The following CDH18 variants were observed in gnomAD, a reference collection of about 807,000 sequenced individuals.
CDH18 encodes the protein cadherin 18, also known as cadherin-18.
In CDH18, 31 loss-of-function variants were observed where a neutral mutation model predicts 67.9. The ratio of observed to expected loss-of-function variants is 0.46; its 90% CI spans 0.34 to 0.62. The LOEUF is 0.62. CDH18 is among the 20% of genes least tolerant of loss of function. The pLI, the probability that CDH18 is intolerant of heterozygous loss-of-function variation, is 0.01. For missense variants in CDH18, 890 were observed against 975.5 expected (o/e 0.91, Z 1.17); for synonymous variants, 362 against 347.2 (o/e 1.04, Z -0.48).
rs73053660 is a variant in CDH18 at position 19,591,437 on chromosome 5, G to A, written c.812-193C>T. Among the ~76,000 whole-genome samples, 1,340 of 152,028 alleles carry A rather than the reference G, an allele frequency of 8.8e-3. 21 individuals carry two copies. Among genetic ancestry groups the A allele is most frequent in the African/African-American group, 0.031 (1,285 of 41,476 alleles). ...GATTTATATAAACTTTAAAAGGTAC[G>A]TAAAATACTTTGCATGAAAATAATT... On this transcript the variant is annotated intron_variant, in intron 6 of 12. Coordinates refer to ENST00000382275, the MANE Select transcript of CDH18 (RefSeq NM_004934.5).
chr5:19,829,053 A>C (rs1262016329), intron 3 of CDH18, among the ~76,000 whole-genome samples: 1 of 152,076 alleles, frequency 6.6e-6, no homozygotes, highest in Non-Finnish European at 1.5e-5. Context: ...TAAATTAATT[A>C]ATTAATAAGT....
At chr5:20,502,370 T>G (rs2126448000) in intron 1 of CDH18, among the ~76,000 whole-genome samples, 1 of 152,240 alleles carries the variant, frequency 6.6e-6, no homozygotes, top group Middle Eastern at 3.4e-3. Context: ...AACCAAAAAC[T>G]GCCTCAAGGA....
At chr5:20,053,604 GTCCT>G (rs1741639868) in intron 2 of CDH18, among the ~76,000 whole-genome samples, 1 of 151,934 alleles carries the variant, frequency 6.6e-6, no homozygotes, top group Admixed American at 6.6e-5. Context: ...AATCTTATCA[GTCCT>G]TCCTTCAAAA....
intron 3 of CDH18, among the ~76,000 whole-genome samples, chr5:19,804,527 T>A (rs1184594002): frequency 5.3e-5 from 8 of 152,258 alleles, no homozygotes; most frequent in South Asian, 4.1e-4. Flanking sequence ...ATTATTTGTA[T>A]CTCTGATTCT....
In CDH18 at chr5:20,333,703, A is replaced by G. The variant is rs563298454; in HGVS notation, c.-579-78198T>C. ...TAAATATTTTAAGAATTTAACCGGC[A>G]TCGATTGTGCTATTTGCTACAGTGT... On this transcript the variant is annotated intron_variant, in intron 1 of 14. Coordinates refer to the CDH18 transcript ENST00000507958. Among the ~76,000 whole-genome samples the G allele has an allele frequency of 9.9e-4, 150 of 152,092 alleles. 1 individual carries two copies. Among genetic ancestry groups the G allele is most frequent in the Non-Finnish European group, 1.6e-3 (109 of 68,034 alleles).
chr5:19,861,902 G>A (rs1410535213), intron 2 of CDH18, among the ~76,000 whole-genome samples: 1 of 152,152 alleles, frequency 6.6e-6, no homozygotes, highest in Non-Finnish European at 1.5e-5. Context: ...TGATGAGTGA[G>A]TAGAAATCCC....
At chr5:20,142,269 A>G (rs535057655) in intron 2 of CDH18, among the ~76,000 whole-genome samples, 2 of 152,266 alleles carry the variant, frequency 1.3e-5, no homozygotes, top group South Asian at 4.1e-4. Context: ...CATGGATATA[A>G]ACAAATTGTA....
chr5:20,141,457 A>G (rs1033031953), intron 2 of CDH18, among the ~76,000 whole-genome samples: 1 of 152,190 alleles, frequency 6.6e-6, no homozygotes, highest in Non-Finnish European at 1.5e-5. Context: ...GTGATGGCAT[A>G]AAAGTTATGA....
chr5:19,592,894 C>T (rs78182016), intron 6 of CDH18, among the ~76,000 whole-genome samples: 1,766 of 151,988 alleles, frequency 0.012, 31 homozygotes, highest in African/African-American at 0.041. Flanking sequence ...ATTTTAGATA[C>T]CTCATCTGCT....
rs531406447 is a variant in CDH18, at chr5:19,753,063, A to G, written c.229-5827T>C. On this transcript the variant is annotated intron_variant, in intron 3 of 12. Coordinates refer to ENST00000382275, the MANE Select transcript of CDH18 (RefSeq NM_004934.5). ...AGCCCTAGACCTTCCCTCTGACATA[A>G]CCTACCCAAATGAGAAGGAACCAGA... 2.0e-5 allele frequency among the ~76,000 whole-genome samples: 3 copies of G among 152,114 alleles called. No individual in the cohort carries two copies. The South Asian group carries it at 6.2e-4, about 31-fold the overall frequency.
intron 1 of CDH18, among the ~76,000 whole-genome samples, chr5:20,322,336 AAAATT>A (rs1056475198): frequency 5.9e-5 from 9 of 152,140 alleles, no homozygotes; most frequent in African/African-American, 2.2e-4. Context: ...AATGATAACT[AAAATT>A]AAAGTTGCTC....
intron 1 of CDH18, among the ~76,000 whole-genome samples, chr5:20,352,910 A>C (rs1327535377): frequency 6.6e-6 from 1 of 152,214 alleles, no homozygotes; most frequent in South Asian, 2.1e-4. Flanking sequence ...ATCTTATAAT[A>C]AGCTAGAATT....
intron 1 of CDH18, among the ~76,000 whole-genome samples, chr5:20,329,768 CAAAAAAAAAAAA>C (rs60246535): frequency 1.4e-4 from 9 of 62,566 alleles, no homozygotes; most frequent in African/African-American, 1.9e-4. Context: ...GAAACTCCAT[CAAAAAAAAAAAA>C]AAAAAAAAAA....
At chr5:19,928,743 C>A (rs1793363709) in intron 2 of CDH18, among the ~76,000 whole-genome samples, 1 of 152,090 alleles carries the variant, frequency 6.6e-6, no homozygotes, top group Non-Finnish European at 1.5e-5. Context: ...CGCAAATCAT[C>A]AGCTGAACTT....
chr5:19,563,171 G>C (rs1739757280), intron 8 of CDH18, among the ~76,000 whole-genome samples: 1 of 152,066 alleles, frequency 6.6e-6, no homozygotes, highest in South Asian at 2.1e-4. Context: ...CATTTTGTTT[G>C]TTTGTTTTTA....
chr5:20,134,542 G>C lies in CDH18; in HGVS notation c.-518+120902C>G, dbSNP rs184827249. On this transcript the variant is annotated intron_variant, in intron 2 of 14. Coordinates refer to the CDH18 transcript ENST00000507958. Reference sequence around the variant, plus strand: ...TAACATCTTTTATATTTTTCTATTAGAGTCTGTAACACATTAAGACCAGAG... The same window carrying C: ...TAACATCTTTTATATTTTTCTATTACAGTCTGTAACACATTAAGACCAGAG... Among the ~76,000 whole-genome samples the C allele has an allele frequency of 4.0e-5, 6 of 151,866 alleles. No homozygotes were observed. In the East Asian group the frequency reaches 1.2e-3, roughly 29 times the overall value.
intron 10 of CDH18, among the ~76,000 whole-genome samples, chr5:19,507,431 T>C (rs967665682): frequency 1.1e-4 from 17 of 152,218 alleles, no homozygotes; most frequent in South Asian, 2.1e-4. Flanking sequence ...TTATAAATCA[T>C]GCTGCTATAA....
intron 5 of CDH18, among the ~76,000 whole-genome samples, chr5:19,699,194 C>T (rs1762900758): frequency 6.6e-6 from 1 of 152,108 alleles, no homozygotes; most frequent in Non-Finnish European, 1.5e-5. Context: ...TGATTATATG[C>T]ACATCATTAA....
At chr5:19,689,687 A>G (rs1437671385) in intron 5 of CDH18, among the ~76,000 whole-genome samples, 1 of 151,932 alleles carries the variant, frequency 6.6e-6, no homozygotes, top group Non-Finnish European at 1.5e-5. Flanking sequence ...ATGATACACA[A>G]TAAGAAAGAA....
Sources: gnomAD v4.1 joint callset for allele counts (sites outside exome capture counted in the v4.1 genomes callset) on GRCh38, gnomAD v4.1.1 for gene constraint, MANE v1.5 for transcripts, NCBI Gene and HGNC (gene_info 2026-07-23, HGNC 2026-07-21) for gene names.